The following FNBP4 variants were observed in gnomAD, a reference collection of about 807,000 sequenced individuals.
The protein encoded by FNBP4 is formin binding protein 4.
In FNBP4, 34 loss-of-function variants were observed where a neutral mutation model predicts 119.3. The observed-to-expected ratio is 0.28, with a 90% CI of 0.22 to 0.38. The LOEUF is 0.38. Among genes scored for constraint, FNBP4 ranks in the 10% least tolerant of loss-of-function variants. FNBP4 has a pLI of 1.00. For synonymous variants in FNBP4, 462 were observed against 430.6 expected (o/e 1.07, Z -0.90); for missense variants, 1,112 against 1,228.9 (o/e 0.90, Z 1.42).
intron 3 of FNBP4, 39 bp downstream of exon 3, chr11:47,754,489 G>A (rs1214964799): frequency 3.7e-6 from 6 of 1,602,988 alleles, no homozygotes; most frequent in Non-Finnish European, 5.1e-6. Flanking sequence ...TCCCAAAGTA[G>A]CTTCAGTAAC....
chr11:47,757,257 GT>G (rs1469657320), intron 2 of FNBP4, among the ~76,000 whole-genome samples: 10 of 152,268 alleles, frequency 6.6e-5, no homozygotes, highest in African/African-American at 2.4e-4. Context: ...GTCTCGCTCT[GT>G]CCCCCAGGCT....
chr11:47,739,258 A>T (rs11039361), intron 8 of FNBP4, among the ~76,000 whole-genome samples: 14,085 of 152,128 alleles, frequency 0.093, 876 homozygotes, highest in Non-Finnish European at 0.14. Context: ...CCTTAACCTT[A>T]TAATATAATA....
chr11:47,753,212 C>T, intron 3 of FNBP4, 110 bp from the exon 4 acceptor site: 1 of 784,882 alleles, frequency 1.3e-6, no homozygotes, highest in Admixed American at 2.9e-5. Flanking sequence ...CAGTGGCTCA[C>T]ACCTACAGTT....
intron 1 of FNBP4, 94 bp downstream of exon 1, chr11:47,766,975 T>C: frequency 2.8e-6 from 4 of 1,413,090 alleles, no homozygotes; most frequent in Non-Finnish European, 3.7e-6. Flanking sequence ...GAAGCCGACC[T>C]CGCCCGCCTC....
At chr11:47,729,148 G>A (rs887659898) in intron 12 of FNBP4, 9 of 984,594 alleles carry the variant, frequency 9.1e-6, no homozygotes, top group Admixed American at 6.2e-5. Flanking sequence ...CACTGCACCC[G>A]GCCTAGGCAT....
chr11:47,736,776 C>T, intron 8 of FNBP4, 36 bp from the exon 9 acceptor site: 5 of 1,554,548 alleles, frequency 3.2e-6, no homozygotes, highest in Non-Finnish European at 4.4e-6. Flanking sequence ...ACCAAAGTAC[C>T]AATACTTATA....
At chr11:47,736,343 G>A (rs971678573) in intron 9 of FNBP4, among the ~76,000 whole-genome samples, 22 of 151,840 alleles carry the variant, frequency 1.4e-4, no homozygotes, top group Admixed American at 2.0e-4. Flanking sequence ...AATCATGAAC[G>A]CCAGGAGTTC....
At chr11:47,766,939 T>C (rs1041167059) in intron 1 of FNBP4, 130 bp downstream of exon 1, 6 of 1,367,170 alleles carry the variant, frequency 4.4e-6, no homozygotes, top group Non-Finnish European at 5.6e-6. Flanking sequence ...CCGCCCCGCC[T>C]GCAGGCCCGC....
At chr11:47,754,688 A>C (rs756700875) in intron 2 of FNBP4, 24 bp from the exon 3 acceptor site, 1 of 1,609,270 alleles carries the variant, frequency 6.2e-7, no homozygotes, top group Admixed American at 1.7e-5. Flanking sequence ...GGTAAACAGT[A>C]TTTGTAACAA....
rs747557812 is a variant in FNBP4, at chr11:47,765,369, TA to T, written c.221-8del. ...TGCACCGCTTCCTGTTCATCTGGATTAAAAAAAAAGAAAAGAAAAGAAAAGA... is the reference window on the plus strand; with the variant it reads ...TGCACCGCTTCCTGTTCATCTGGATTAAAAAAAAGAAAAGAAAAGAAAAGA... On this transcript the variant is annotated splice_region_variant and splice_polypyrimidine_tract_variant and intron_variant, in intron 1 of 16. Coordinates refer to ENST00000263773, the MANE Select transcript of FNBP4 (RefSeq NM_015308.5). 170 of 1,203,868 alleles carry T rather than the reference TA, an allele frequency of 1.4e-4. No individual in the cohort carries two copies. The highest frequency in any genetic ancestry group is 1.5e-4 in the Non-Finnish European group (134 of 894,750). 74.6% of individuals were successfully genotyped at this position (1,203,868 alleles called of 1,614,324 possible). A position where few individuals can be genotyped will look rare whatever the true frequency, so the allele number is the denominator to read the frequency against.
chr11:47,766,218 G>A (rs1185661514), intron 1 of FNBP4, among the ~76,000 whole-genome samples: 1 of 152,074 alleles, frequency 6.6e-6, no homozygotes, highest in African/African-American at 2.4e-5. Context: ...GGAGGCTAAG[G>A]CGGGAGGATC....
Position 47,722,822 on chromosome 11 carries a change from C to T in FNBP4, c.2805+154G>A, listed in dbSNP as rs144402758. ...GGCAGGCTGGTCTCGAACTCCTGAC[C>T]TCAGGTGATCTGCCCGCCTCGGCCT... On this transcript the variant is annotated intron_variant, in intron 15 of 16. Transcript: ENST00000263773. 6.6e-5 allele frequency among the ~76,000 whole-genome samples: 10 copies of T among 152,188 alleles called. No homozygotes were observed. In the East Asian group the frequency reaches 1.9e-3, roughly 29 times the overall value.
At chr11:47,746,002 C>T in intron 7 of FNBP4, 54 bp downstream of exon 7, 3 of 1,398,310 alleles carry the variant, frequency 2.1e-6, no homozygotes, top group South Asian at 1.4e-5. Flanking sequence ...ACAATGATCC[C>T]TGTAGAGTAG....
intron 4 of FNBP4, among the ~76,000 whole-genome samples, chr11:47,752,440 AC>A (rs1405694016): frequency 4.2e-5 from 6 of 144,430 alleles, no homozygotes; most frequent in African/African-American, 1.5e-4. Flanking sequence ...AAAAAAAAAA[AC>A]AATTAAATAA....
chr11:47,725,962 G>T, intron 12 of FNBP4: 1 of 167,652 alleles, frequency 6.0e-6, no homozygotes, highest in Non-Finnish European at 1.2e-5. Context: ...TTAGTGGCCA[G>T]ACCAGAGCTA....
intron 9 of FNBP4, among the ~76,000 whole-genome samples, 199 bp from the exon 10 acceptor site, chr11:47,734,328 A>G (rs959957884): frequency 1.3e-5 from 2 of 152,198 alleles, no homozygotes; most frequent in Non-Finnish European, 2.9e-5. Flanking sequence ...AGTGACAAAT[A>G]ATGACAGGAA....
intron 15 of FNBP4, among the ~76,000 whole-genome samples, chr11:47,722,413 A>C (rs2097556877): frequency 6.6e-6 from 1 of 151,364 alleles, no homozygotes; most frequent in South Asian, 2.1e-4. Context: ...AAGCAGTTGT[A>C]TGTTTGAAGA....
chr11:47,742,391 T>C (rs146682658), intron 8 of FNBP4, among the ~76,000 whole-genome samples: 229 of 132,984 alleles, frequency 1.7e-3, no homozygotes, highest in African/African-American at 6.0e-3. Flanking sequence ...AGGCAGAGAA[T>C]TGCTTGACCC....
chr11:47,762,787 G>A (rs186735691), intron 2 of FNBP4, among the ~76,000 whole-genome samples: 124 of 150,824 alleles, frequency 8.2e-4, no homozygotes, highest in African/African-American at 2.7e-3. Context: ...GCGTGGGCCC[G>A]TAATCCCAGC....
Sources: allele counts gnomAD v4.1 joint callset (sites outside exome capture counted in the v4.1 genomes callset), GRCh38; gene constraint gnomAD v4.1.1; transcripts MANE v1.5; gene names NCBI Gene and HGNC (gene_info 2026-07-23, HGNC 2026-07-21).